Variants in TMEM260 observed in about 807,000 individuals in gnomAD.
The protein encoded by TMEM260 is protein O-mannosyl-transferase TMEM260.
In TMEM260, 82 loss-of-function variants were observed where a neutral mutation model predicts 88.9. The ratio of observed to expected loss-of-function variants is 0.92; its 90% CI spans 0.77 to 1.11. TMEM260 has a LOEUF of 1.11. Ranked by LOEUF, TMEM260 falls within the 50% of genes least tolerant of loss-of-function variation. The pLI, the probability that TMEM260 is intolerant of heterozygous loss-of-function variation, is 0.00. For missense variants in TMEM260, 902 were observed against 853.4 expected, an observed-to-expected ratio of 1.06 and a Z score of -0.71; for synonymous variants, 314 against 309.3, an observed-to-expected ratio of 1.02 and a Z score of -0.16.
rs1426333507 is a variant in TMEM260 at position 56,585,030 on chromosome 14, G to A, written c.190G>A (p.Gly64Arg). The change falls in exon 2 of 16, where the codon GGA (glycine) becomes AGA (arginine). Residue 64 changes from glycine (G) to arginine (R), a missense_variant and splice_region_variant. Gly to Arg is a moderately radical substitution (Grantham distance 125). Transcript: ENST00000261556. ...ACTGATCACAGCCGCACATGAGCTT[G>A]GAGTAAGTATTAGTTTTATTGTTTA... ...GELITAAHEL[G>R]VAHPPGYPLF... 1 of 1,611,398 alleles carries A rather than the reference G, an allele frequency of 6.2e-7. No individual in the cohort carries two copies. The highest frequency in any genetic ancestry group is 8.5e-7 in the Non-Finnish European group (1 of 1,178,640).
chr14:56,620,539 T>C lies in TMEM260; in HGVS notation c.1227-992T>C, dbSNP rs1220281217. ...ACATATTTGCACAGGCTAGGTGTTT[T>C]TATCTTGTTTTGATTTTTTTTATTT... On this transcript the variant is annotated intron_variant, in intron 10 of 15. Transcript: ENST00000261556. Among the ~76,000 whole-genome samples, 3 of 152,242 alleles carry C rather than the reference T, an allele frequency of 2.0e-5. No individual in the cohort carries two copies. In the East Asian group the frequency reaches 5.8e-4, roughly 29 times the overall value.
At chr14:56,641,487 A>AC (rs1889590982) in intron 15 of TMEM260, among the ~76,000 whole-genome samples, 1 of 152,178 alleles carries the variant, frequency 6.6e-6, no homozygotes. Flanking sequence ...TCACCACCAG[A>AC]CCTGCCCTAA....
the TMEM260 span, among the ~76,000 whole-genome samples, chr14:56,660,765 A>C: frequency 2.0e-5 from 3 of 152,214 alleles, no homozygotes; most frequent in Non-Finnish European, 2.9e-5. Flanking sequence ...AAGAATTGCC[A>C]AAGGATTATT....
rs777464392 is a variant in TMEM260, at chr14:56,621,679, G to A, written c.1375G>A (p.Asp459Asn). ...GCATTACTGTGAGGGGTTGAGGCCT[G>A]ACATTTCATTAGTGGATCAGGAAGT... ...YMHYCEGLRP[D>N]ISLVDQEMMT... The change falls in exon 11 of 16, where the codon GAC becomes AAC. Residue 459 changes from aspartate to asparagine, a missense_variant. Asp to Asn is a conservative substitution (Grantham distance 23). Coordinates refer to ENST00000261556, the MANE Select transcript of TMEM260 (RefSeq NM_017799.4). 1 of 1,610,018 alleles carries A rather than the reference G, an allele frequency of 6.2e-7. No homozygotes were observed. The highest frequency in any genetic ancestry group is 8.5e-7 in the Non-Finnish European group (1 of 1,178,694).
intron 3 of TMEM260, among the ~76,000 whole-genome samples, chr14:56,596,794 A>AAAAATATATATATAT (rs59623466): frequency 7.3e-6 from 1 of 136,298 alleles, no homozygotes; most frequent in African/African-American, 2.8e-5. Context: ...TAAAAAAAAA[A>AAAAATATATATATAT]ATATATATAT....
chr14:56,631,308 G>T (rs1399694934), intron 12 of TMEM260, among the ~76,000 whole-genome samples: 1 of 152,174 alleles, frequency 6.6e-6, no homozygotes, highest in Non-Finnish European at 1.5e-5. Context: ...GCAGTAGCCT[G>T]CTAGCACTTG....
chr14:56,634,204 C>T (rs540168633), intron 13 of TMEM260, among the ~76,000 whole-genome samples: 18 of 152,138 alleles, frequency 1.2e-4, no homozygotes, highest in Non-Finnish European at 2.4e-4. Context: ...CCAGGAGTCC[C>T]CTCTCTTCAG....
Position 56,647,274 on chromosome 14 carries a change from A to G in TMEM260, c.1901A>G (p.Glu634Gly), listed in dbSNP as rs1351260322. The G allele has an allele frequency of 1.2e-6, 2 of 1,613,908 alleles. No individual in the cohort carries two copies. The highest frequency in any genetic ancestry group is 4.5e-5 in the East Asian group (2 of 44,896). Residue 634 changes from glutamate (E) to glycine (G), a missense_variant, in exon 16 of 16, where the codon GAG becomes GGG. Glu to Gly is a moderately conservative substitution (Grantham distance 98). Coordinates refer to ENST00000261556, the MANE Select transcript of TMEM260 (RefSeq NM_017799.4). ...LYKEIVYLQK[E>G]HPVNWHKNYA... is the part of the protein sequence containing the mutation. ...AAGGAGATTGTCTATTTACAAAAGG[A>G]GCACCCAGTGAATTGGCACAAGAAC...
At chr14:56,661,887 G>C in the TMEM260 span, among the ~76,000 whole-genome samples, 2 of 152,242 alleles carry the variant, frequency 1.3e-5, no homozygotes, top group African/African-American at 4.8e-5. Flanking sequence ...ACTCCTGTGA[G>C]AAGGGGGAGA....
rs1017139590 is a variant in TMEM260, at chr14:56,580,056, G to A, written c.142G>A (p.Val48Ile). 3.7e-5 allele frequency: 46 copies of A among 1,252,176 alleles called. No homozygotes were observed. The highest frequency in any genetic ancestry group is 4.4e-5 in the Non-Finnish European group (44 of 990,494). The allele number at this position is 1,252,176 out of a possible 1,614,324, so 77.6% of individuals were successfully genotyped here. A position where few individuals can be genotyped will look rare whatever the true frequency, so the allele number is the denominator to read the frequency against. The change falls in exon 1 of 16, where the codon GTA (valine) becomes ATA (isoleucine). Residue 48 changes from valine (V) to isoleucine (I), a missense_variant. By Grantham distance (29) the Val-to-Ile change is conservative (BLOSUM62 3). Transcript: ENST00000261556. ...GTTCACCTTCACCCTGCCCCCTTCG[G>A]TACCGGGGGGAGACTCCGGTAAAGT... ...AVFTFTLPPS[V>I]PGGDSGELIT...
rs1386030974 is a variant in TMEM260 at position 56,634,922 on chromosome 14, C to T, written c.1748C>T (p.Ser583Phe). The change falls in exon 14 of 16, where the codon TCT (serine) becomes TTT (phenylalanine). Residue 583 changes from serine (S) to phenylalanine (F), a missense_variant. Transcript: ENST00000261556. ...AGGTTTGATCCATCTTCTTGGGAAT[C>T]TGTGGCCAATGAAGAAATGTGGCAA... The part of the protein sequence containing the change: ...YGRFDPSSWE[S>F]VANEEMWQAR... The T allele has an allele frequency of 6.2e-6, 10 of 1,613,652 alleles. No homozygotes were observed. Among genetic ancestry groups the T allele is most frequent in the Non-Finnish European group, 7.6e-6 (9 of 1,179,920 alleles).
intron 15 of TMEM260, among the ~76,000 whole-genome samples, chr14:56,644,938 A>T (rs545338469): frequency 9.2e-5 from 14 of 152,314 alleles, no homozygotes; most frequent in East Asian, 5.8e-4. Context: ...TCAAAACCAC[A>T]AGGAGATACC....
At chr14:56,654,814 C>CAA (rs750160414), downstream of TMEM260, among the ~76,000 whole-genome samples, 197 of 51,796 alleles carry the variant, frequency 3.8e-3, 5 homozygotes, top group African/African-American at 0.015. Flanking sequence ...AACTCCATCT[C>CAA]AAAAAAAAAA....
Position 56,603,969 on chromosome 14 carries a change from G to A in TMEM260, c.499G>A (p.Ala167Thr). The A allele has an allele frequency of 1.9e-6, 3 of 1,593,400 alleles. No individual in the cohort carries two copies. Among genetic ancestry groups the A allele is most frequent in the Non-Finnish European group, 2.6e-6 (3 of 1,173,112 alleles). Residue 167 changes from alanine to threonine, a missense_variant, in exon 4 of 16, where the codon GCA becomes ACA. Coordinates refer to ENST00000261556, the MANE Select transcript of TMEM260 (RefSeq NM_017799.4). Reference sequence around the variant, plus strand: ...TCTTACTGTACATTTTGAGGAAGCAGCAACTGCTAAGGAGAGATCAAAGGT... The same window carrying A: ...TCTTACTGTACATTTTGAGGAAGCAACAACTGCTAAGGAGAGATCAAAGGT... Reference protein sequence around the residue: ...MALTVHFEEAATAKERSKVAK... With the variant: ...MALTVHFEEATTAKERSKVAK...
chr14:56,625,359 A>G (rs1289129648), intron 11 of TMEM260, 23 bp from the exon 12 acceptor site: 2 of 1,607,952 alleles, frequency 1.2e-6, no homozygotes, highest in East Asian at 2.2e-5. Flanking sequence ...AAAGTCTGAC[A>G]TTATGTGTGA....
intron 15 of TMEM260, among the ~76,000 whole-genome samples, chr14:56,645,619 T>G (rs1889915625): frequency 7.5e-6 from 1 of 133,712 alleles, no homozygotes; most frequent in Non-Finnish European, 1.7e-5. Context: ...GTTGTGCACA[T>G]GTACCCTAAA....
At chr14:56,652,599 A>G (rs1166139871), downstream of TMEM260, among the ~76,000 whole-genome samples, 1 of 152,140 alleles carries the variant, frequency 6.6e-6, no homozygotes, top group Non-Finnish European at 1.5e-5. Flanking sequence ...AAAATGATTC[A>G]TTTATCAAAA....
chr14:56,643,909 G>C (rs1393098640), intron 15 of TMEM260, among the ~76,000 whole-genome samples: 1 of 152,096 alleles, frequency 6.6e-6, no homozygotes. Flanking sequence ...ATTCACAATT[G>C]CTTCAAAGAG....
intron 3 of TMEM260, among the ~76,000 whole-genome samples, chr14:56,603,454 G>A (rs891478786): frequency 6.6e-6 from 1 of 152,000 alleles, no homozygotes. Flanking sequence ...AAACATTTAG[G>A]TCTTAACTAG....
Sources: gnomAD v4.1 joint callset for allele counts (sites outside exome capture counted in the v4.1 genomes callset) on GRCh38, gnomAD v4.1.1 for gene constraint, MANE v1.5 for transcripts, NCBI Gene and HGNC (gene_info 2026-07-23, HGNC 2026-07-21) for gene names.